RNF180: variants seen among roughly 807,000 people sequenced by gnomAD.
The protein encoded by RNF180 is ring finger protein 180, also known as E3 ubiquitin-protein ligase RNF180.
In RNF180, 38 loss-of-function variants were observed where a neutral mutation model predicts 59.2. The observed-to-expected ratio is 0.64, with a 90% CI of 0.50 to 0.84. The LOEUF (loss-of-function observed/expected upper bound fraction) is 0.84, where lower values mean the gene tolerates loss of function less well. Ranked by LOEUF, RNF180 falls within the 40% of genes least tolerant of loss-of-function variation. RNF180 has a pLI of 0.00. For missense variants in RNF180, 705 were observed against 700.9 expected, an observed-to-expected ratio of 1.01 and a Z score of -0.07; for synonymous variants, 262 against 240.3, an observed-to-expected ratio of 1.09 and a Z score of -0.84.
At chr5:64,310,074 A>C (rs1385378752) in intron 5 of RNF180, among the ~76,000 whole-genome samples, 2 of 151,756 alleles carry the variant, frequency 1.3e-5, no homozygotes, top group African/African-American at 4.8e-5. Context: ...TGAGACCAGC[A>C]TTACCCTCAT....
intron 5 of RNF180, among the ~76,000 whole-genome samples, chr5:64,276,516 A>G (rs1003247879): frequency 6.6e-6 from 1 of 152,046 alleles, no homozygotes. Context: ...AATGTATGAC[A>G]TGCCTGTGAC....
intron 5 of RNF180, among the ~76,000 whole-genome samples, chr5:64,310,760 C>T (rs1482283833): frequency 6.6e-6 from 1 of 151,874 alleles, no homozygotes; most frequent in Non-Finnish European, 1.5e-5. Context: ...CACTCATCTG[C>T]CTCAATCTGG....
Position 64,254,910 on chromosome 5 carries a change from G to T in RNF180, c.1227+37514G>T, listed in dbSNP as rs761108221. Among the ~76,000 whole-genome samples, 14 of 152,064 alleles carry T rather than the reference G, an allele frequency of 9.2e-5. No homozygotes were observed. In the South Asian group the frequency reaches 2.9e-3, roughly 31 times the overall value. ...ATCTGAGCCATTTGAAGTGATATCT[G>T]ATATCTTTCTCTTTGGGGGAGGAGA... On this transcript the variant is annotated intron_variant, in intron 5 of 7. Coordinates refer to ENST00000389100, the MANE Select transcript of RNF180 (RefSeq NM_001113561.2).
chr5:64,230,696 G>A (rs372889888), intron 5 of RNF180, among the ~76,000 whole-genome samples: 1 of 152,130 alleles, frequency 6.6e-6, no homozygotes, highest in East Asian at 1.9e-4. Context: ...TTTGAAGTGG[G>A]GAGGGAAATA....
At chr5:64,247,853 A>T (rs370981446) in intron 5 of RNF180, among the ~76,000 whole-genome samples, 3 of 152,206 alleles carry the variant, frequency 2.0e-5, no homozygotes, top group African/African-American at 7.2e-5. Flanking sequence ...ACCTGACTTT[A>T]AACCATACTA....
intron 5 of RNF180, among the ~76,000 whole-genome samples, chr5:64,239,425 G>T (rs912913563): frequency 6.6e-6 from 1 of 152,080 alleles, no homozygotes; most frequent in Non-Finnish European, 1.5e-5. Context: ...TTTGCTGCAC[G>T]TTACATTTTC....
chr5:64,335,465 T>A (rs1423316018), intron 7 of RNF180, among the ~76,000 whole-genome samples: 1 of 152,048 alleles, frequency 6.6e-6, no homozygotes, highest in East Asian at 1.9e-4. Flanking sequence ...ATTTTTTTTT[T>A]ATTGATTTAC....
intron 5 of RNF180, among the ~76,000 whole-genome samples, chr5:64,251,542 C>G (rs1743578314): frequency 6.6e-6 from 1 of 152,164 alleles, no homozygotes; most frequent in Non-Finnish European, 1.5e-5. Context: ...CCTGCCTCAG[C>G]CTTCTGAGTG....
At chr5:64,212,630 T>C (rs1281572589) in intron 3 of RNF180, among the ~76,000 whole-genome samples, 3 of 152,156 alleles carry the variant, frequency 2.0e-5, no homozygotes, top group Non-Finnish European at 4.4e-5. Flanking sequence ...CATATATACA[T>C]AAATGCACAA....
chr5:64,205,534 T>G (rs1751972279), intron 2 of RNF180, among the ~76,000 whole-genome samples: 1 of 152,194 alleles, frequency 6.6e-6, no homozygotes, highest in African/African-American at 2.4e-5. Context: ...GTTAGTTTTG[T>G]TATGGTTTTG....
chr5:64,364,090 C>A (rs538378352), intron 7 of RNF180, among the ~76,000 whole-genome samples: 15 of 151,676 alleles, frequency 9.9e-5, no homozygotes, highest in Admixed American at 2.6e-4. Context: ...TTTCTCTTGC[C>A]TGATTGCTCT....
intron 5 of RNF180, among the ~76,000 whole-genome samples, chr5:64,317,343 G>A (rs746134071): frequency 2.0e-5 from 3 of 151,986 alleles, no homozygotes; most frequent in Non-Finnish European, 4.4e-5. Flanking sequence ...TGTAAAAAAT[G>A]TATGTCTTAG....
intron 5 of RNF180, among the ~76,000 whole-genome samples, chr5:64,323,991 A>G (rs1186284570): frequency 6.6e-6 from 1 of 152,190 alleles, no homozygotes; most frequent in Non-Finnish European, 1.5e-5. Context: ...GTTTAGTAGC[A>G]AAGACCGCAA....
At chr5:64,297,160 A>C (rs1365860613) in intron 5 of RNF180, among the ~76,000 whole-genome samples, 1 of 152,092 alleles carries the variant, frequency 6.6e-6, no homozygotes, top group Admixed American at 6.6e-5. Context: ...TCTGATTATT[A>C]GTCTCATTAA....
intron 5 of RNF180, among the ~76,000 whole-genome samples, chr5:64,279,953 C>T (rs934059021): frequency 7.9e-5 from 12 of 152,052 alleles, no homozygotes; most frequent in Admixed American, 5.2e-4. Context: ...ATTAGCCGGG[C>T]GTGGTGGTGC....
intron 5 of RNF180, among the ~76,000 whole-genome samples, chr5:64,277,577 A>G (rs577679358): frequency 2.5e-4 from 38 of 152,238 alleles, no homozygotes; most frequent in African/African-American, 8.9e-4. Context: ...AGCTGTAAAT[A>G]ACAAAAACAG....
At chr5:64,195,053 A>G (rs964950654) in intron 1 of RNF180, among the ~76,000 whole-genome samples, 1 of 152,164 alleles carries the variant, frequency 6.6e-6, no homozygotes, top group Non-Finnish European at 1.5e-5. Flanking sequence ...GCACCACAGA[A>G]GCTTATCAGG....
At chr5:64,184,149 A>G (rs955277078) in intron 1 of RNF180, among the ~76,000 whole-genome samples, 1 of 152,148 alleles carries the variant, frequency 6.6e-6, no homozygotes, top group Non-Finnish European at 1.5e-5. Flanking sequence ...GCCCAAGGAG[A>G]GAGGTCACAG....
chr5:64,297,783 A>C (rs182419073), intron 5 of RNF180, among the ~76,000 whole-genome samples: 2 of 152,234 alleles, frequency 1.3e-5, no homozygotes, highest in Admixed American at 1.3e-4. Flanking sequence ...AAGCTTCCAA[A>C]CTTGGTTACT....
Sources: gnomAD v4.1 joint callset for allele counts (sites outside exome capture counted in the v4.1 genomes callset) on GRCh38, gnomAD v4.1.1 for gene constraint, MANE v1.5 for transcripts, NCBI Gene and HGNC (gene_info 2026-07-23, HGNC 2026-07-21) for gene names.